The following SEC63 variants were observed in gnomAD, a reference collection of about 807,000 sequenced individuals.
The protein encoded by SEC63 is SEC63 protein translocation regulator, also known as translocation protein SEC63 homolog.
In SEC63, 56 loss-of-function variants were observed where a neutral mutation model predicts 116.2. That is an observed-to-expected ratio of 0.48 (90% CI 0.39 to 0.60). The LOEUF (loss-of-function observed/expected upper bound fraction) is 0.60. Ranked by LOEUF, SEC63 falls within the 20% of genes least tolerant of loss-of-function variation. The pLI, the probability that SEC63 is intolerant of heterozygous loss-of-function variation, is 0.00. For synonymous variants in SEC63, 273 were observed against 294.6 expected (o/e 0.93, Z 0.75); for missense variants, 668 against 900.0 (o/e 0.74, Z 3.30).
At chr6:107,895,208 C>T (rs1200845224) in intron 14 of SEC63, among the ~76,000 whole-genome samples, 2 of 152,120 alleles carry the variant, frequency 1.3e-5, no homozygotes, top group African/African-American at 4.8e-5. Flanking sequence ...GTCAATAGTT[C>T]AAGACCAAAT....
At chr6:107,879,257 A>G (rs919836800) in intron 18 of SEC63, among the ~76,000 whole-genome samples, 18 of 152,134 alleles carry the variant, frequency 1.2e-4, no homozygotes, top group Non-Finnish European at 2.4e-4. Context: ...TCCGCCTCCC[A>G]GGTTCAAGCA....
intron 14 of SEC63, among the ~76,000 whole-genome samples, chr6:107,897,279 C>A (rs1786874001): frequency 6.6e-6 from 1 of 151,900 alleles, no homozygotes; most frequent in Non-Finnish European, 1.5e-5. Context: ...TATTGTAATT[C>A]TTAGATTTTG....
chr6:107,868,687 G>T lies in SEC63; in HGVS notation c.*3017C>A, dbSNP rs2114379308. 6.6e-6 allele frequency: 1 copy of T among 150,804 alleles called. No homozygotes were observed. Among genetic ancestry groups the T allele is most frequent in the South Asian group, 2.1e-4 (1 of 4,790 alleles). 9.3% of individuals were successfully genotyped at this position (150,804 alleles called of 1,614,324 possible). A position where few individuals can be genotyped will look rare whatever the true frequency, so the allele number is the denominator to read the frequency against. On this transcript the variant is annotated 3_prime_UTR_variant, in exon 21 of 21. Transcript: ENST00000369002. ...GTAGATAGACTAAAAAAAAAAAAAG[G>T]CATTCCAAATAATAGCCAAGGCAAA...
intron 1 of SEC63, among the ~76,000 whole-genome samples, chr6:107,935,543 G>C (rs1329667204): frequency 1.4e-5 from 2 of 147,656 alleles, no homozygotes; most frequent in African/African-American, 5.1e-5. Context: ...GGGTTAAATG[G>C]ATTAAGGGTG....
intron 1 of SEC63, among the ~76,000 whole-genome samples, chr6:107,953,215 A>T (rs776624572): frequency 2.5e-4 from 38 of 152,344 alleles, no homozygotes; most frequent in Admixed American, 9.1e-4. Flanking sequence ...AGCCGAGATC[A>T]CGCCACTGCA....
intron 16 of SEC63, among the ~76,000 whole-genome samples, chr6:107,888,781 TGA>T (rs987616682): frequency 2.0e-5 from 3 of 152,192 alleles, no homozygotes; most frequent in Non-Finnish European, 4.4e-5. Context: ...CCTAGTTTAT[TGA>T]GAGTTTTTAG....
chr6:107,937,881 A>G (rs978902934), intron 1 of SEC63, among the ~76,000 whole-genome samples: 1 of 152,008 alleles, frequency 6.6e-6, no homozygotes, highest in African/African-American at 2.4e-5. Context: ...CTTAATGGGG[A>G]TATTTTTTGC....
intron 4 of SEC63, among the ~76,000 whole-genome samples, chr6:107,919,747 G>A (rs966747938): frequency 6.6e-5 from 10 of 151,862 alleles, no homozygotes; most frequent in South Asian, 2.1e-4. Context: ...GCGTGAACCC[G>A]GGAGGCGGAA....
At position 107,872,872 on chromosome 6, in the gene SEC63, T is replaced by C. The variant is rs1786166973; in HGVS notation, c.2075A>G (p.Tyr692Cys). Residue 692 changes from tyrosine (Y) to cysteine (C), a missense_variant, in exon 20 of 21, where the codon TAT (tyrosine) becomes TGT (cysteine). By Grantham distance (194) the Tyr-to-Cys change is radical. Around this residue, in one of 5 missense-constraint regions of SEC63, gnomAD observed 85 missense variants for 116.3 expected, o/e 0.73. Transcript: ENST00000369002. Reference sequence around the variant, plus strand: ...TGATCTCAGAAACACAGTATACTGATAATTTCCAGGCTTGCCTGGTGCAGG... The same window carrying C: ...TGATCTCAGAAACACAGTATACTGACAATTTCCAGGCTTGCCTGGTGCAGG... The part of the protein sequence containing the change: ...KFPAPGKPGN[Y>C]QYTVFLRSDS... 1.0e-5 allele frequency: 16 copies of C among 1,552,560 alleles called. No individual in the cohort carries two copies. The highest frequency in any genetic ancestry group is 1.4e-5 in the Non-Finnish European group (16 of 1,146,622).
chr6:107,872,796 C>A lies in SEC63; in HGVS notation c.2139+12G>T. 1 of 1,392,898 alleles carries A rather than the reference C, an allele frequency of 7.2e-7. No individual in the cohort carries two copies. The highest frequency in any genetic ancestry group is 1.2e-5 in the South Asian group (1 of 83,106). 86.3% of individuals were successfully genotyped at this position (1,392,898 alleles called of 1,614,324 possible). ...AGAAAACTCTTATTTATTGAAGAGT[C>A]ACTATTCTTACCTTCAATGGTTTAA... is the stretch of plus-strand genomic sequence containing the variant. On this transcript the variant is annotated intron_variant, in intron 20 of 20. Coordinates refer to ENST00000369002, the MANE Select transcript of SEC63 (RefSeq NM_007214.5).
At position 107,872,823 on chromosome 6, in the gene SEC63, C is replaced by G; in HGVS notation, c.2124G>C (p.Gln708His). 6.5e-7 allele frequency: 1 copy of G among 1,547,204 alleles called. No individual in the cohort carries two copies. The highest frequency in any genetic ancestry group is 8.8e-7 in the Non-Finnish European group (1 of 1,135,290). The change falls in exon 20 of 21, where the codon CAG becomes CAC. Residue 708 changes from glutamine (Q) to histidine (H), a missense_variant. This residue lies in a region of SEC63 where 85 missense variants were observed against 116.3 expected (regional missense o/e 0.73). Coordinates refer to ENST00000369002, the MANE Select transcript of SEC63 (RefSeq NM_007214.5). ...CTATTCTTACCTTCAATGGTTTAAT[C>G]TGATCCAAACCCATATAGGAGTCTG... is the stretch of plus-strand genomic sequence containing the variant. ...LRSDSYMGLD[Q>H]IKPLKLEVHE...
intron 13 of SEC63, among the ~76,000 whole-genome samples, chr6:107,897,968 C>G (rs967156369): frequency 6.6e-6 from 1 of 152,146 alleles, no homozygotes; most frequent in African/African-American, 2.4e-5. Context: ...TTTCCACTTT[C>G]AGAAACTAAG....
At chr6:107,899,969 T>C (rs147740106) in intron 13 of SEC63, among the ~76,000 whole-genome samples, 8 of 152,290 alleles carry the variant, frequency 5.3e-5, no homozygotes, top group Non-Finnish European at 7.4e-5. Context: ...TGAAACCAGA[T>C]TGCACTGTTT....
At chr6:107,878,583 T>C (rs1370144798) in intron 18 of SEC63, among the ~76,000 whole-genome samples, 1 of 152,186 alleles carries the variant, frequency 6.6e-6, no homozygotes. Context: ...GGGCCAGCCA[T>C]GGTGGCTCAC....
In SEC63 at chr6:107,958,004, G is replaced by T. The variant is rs1303436138; in HGVS notation, c.6C>A (p.Ala2=). 1 of 1,613,158 alleles carries T rather than the reference G, an allele frequency of 6.2e-7. No individual in the cohort carries two copies. Among genetic ancestry groups the T allele is most frequent in the African/African-American group, 1.3e-5 (1 of 74,856 alleles). The change falls in exon 1 of 21, where the codon GCC becomes GCA. Residue 2 remains alanine, a synonymous_variant. Coordinates refer to ENST00000369002, the MANE Select transcript of SEC63 (RefSeq NM_007214.5). M[A]GQQFQYDDSG... is the part of the protein sequence containing the mutation. Reference sequence around the variant, plus strand: ...TGTCATCGTACTGGAACTGCTGCCCGGCCATGGCACCCCCTCCTCCGCCTC... The same window carrying T: ...TGTCATCGTACTGGAACTGCTGCCCTGCCATGGCACCCCCTCCTCCGCCTC...
At chr6:107,923,712 A>ATTC (rs1787608109) in intron 3 of SEC63, among the ~76,000 whole-genome samples, 1 of 78,308 alleles carries the variant, frequency 1.3e-5, no homozygotes, top group African/African-American at 9.2e-5. Context: ...TTTTTTTTTG[A>ATTC]TACAGCCTGG....
intron 19 of SEC63, among the ~76,000 whole-genome samples, chr6:107,873,323 G>A (rs1020446469): frequency 2.0e-5 from 3 of 151,802 alleles, no homozygotes; most frequent in Admixed American, 6.6e-5. Context: ...TAGAATAAAC[G>A]CCCAATGCCA....
intron 2 of SEC63, among the ~76,000 whole-genome samples, chr6:107,927,684 C>A (rs1787706243): frequency 6.6e-6 from 1 of 152,092 alleles, no homozygotes; most frequent in Non-Finnish European, 1.5e-5. Flanking sequence ...GACTGGGAGG[C>A]CAAAAATACA....
chr6:107,919,846 AAAG>A (rs1222489688), intron 4 of SEC63, among the ~76,000 whole-genome samples: 3 of 152,028 alleles, frequency 2.0e-5, no homozygotes, highest in South Asian at 2.1e-4. Context: ...AAAAGAAAAC[AAAG>A]AAGTTCTGTC....
Sources: allele counts gnomAD v4.1 joint callset (sites outside exome capture counted in the v4.1 genomes callset), GRCh38; gene constraint gnomAD v4.1.1; regional missense constraint gnomAD v4.1.1; transcripts MANE v1.5; gene names NCBI Gene and HGNC (gene_info 2026-07-23, HGNC 2026-07-21).